Variants in TLN2 observed in about 807,000 individuals in gnomAD.
TLN2 encodes talin-2.
In TLN2, 118 loss-of-function variants were observed where a neutral mutation model predicts 294.7. The ratio of observed to expected loss-of-function variants is 0.40; its 90% CI spans 0.34 to 0.47. TLN2 has a LOEUF of 0.47. Among genes scored for constraint, TLN2 ranks in the 20% least tolerant of loss-of-function variants. The probability of loss-of-function intolerance (pLI) is 0.84; values close to 1 mark genes in which losing one functional copy is unlikely to be tolerated. For missense variants in TLN2, 3,083 were observed against 3,282.2 expected (o/e 0.94, Z 1.48); for synonymous variants, 1,431 against 1,304.5 (o/e 1.10, Z -2.09).
Position 62,652,146 on chromosome 15 carries a change from TA to T in TLN2, c.364+13del. On this transcript the variant is annotated intron_variant, in intron 6 of 58. Coordinates refer to ENST00000636159, the MANE Select transcript of TLN2 (RefSeq NM_015059.3). The stretch of plus-strand genomic sequence containing the variant: ...TTGTAGCAGAATAGGTGAGCATTCA[TA>T]CACCTTCATTATGTCTTTTTGCTTA... The T allele has an allele frequency of 6.5e-7, 1 of 1,535,320 alleles. No individual in the cohort carries two copies. The highest frequency in any genetic ancestry group is 8.8e-7 in the Non-Finnish European group (1 of 1,140,126).
At chr15:62,491,396 ATT>A (rs2038720508) in intron 1 of TLN2, among the ~76,000 whole-genome samples, 1 of 127,094 alleles carries the variant, frequency 7.9e-6, no homozygotes, top group African/African-American at 3.3e-5. Context: ...ACACACACAC[ATT>A]TATATAAGAT....
At chr15:62,395,881 A>G (rs997335215) in intron 1 of TLN2, among the ~76,000 whole-genome samples, 1 of 152,026 alleles carries the variant, frequency 6.6e-6, no homozygotes, top group African/African-American at 2.4e-5. Flanking sequence ...AGTCGCACAG[A>G]CTGGACTGCA....
intron 48 of TLN2, among the ~76,000 whole-genome samples, chr15:62,798,301 G>A (rs2065669810): frequency 6.6e-6 from 1 of 152,138 alleles, no homozygotes; most frequent in Admixed American, 6.5e-5. Context: ...TTCCGCTTCT[G>A]ATATTTGGCA....
chr15:62,756,762 G>C (rs1165214814), intron 37 of TLN2, among the ~76,000 whole-genome samples: 1 of 152,060 alleles, frequency 6.6e-6, no homozygotes, highest in African/African-American at 2.4e-5. Context: ...ATTGCATGCA[G>C]AAATCAGTCA....
chr15:62,732,499 A>C (rs1026265477), intron 28 of TLN2, among the ~76,000 whole-genome samples: 2 of 152,224 alleles, frequency 1.3e-5, no homozygotes, highest in African/African-American at 4.8e-5. Flanking sequence ...GTCAGATCCT[A>C]AAGGGCCTCA....
At chr15:62,810,649 T>G (rs754599993) in intron 52 of TLN2, among the ~76,000 whole-genome samples, 3 of 152,092 alleles carry the variant, frequency 2.0e-5, no homozygotes, top group African/African-American at 7.2e-5. Context: ...AGCCTCAGTT[T>G]GTGCAGTTCC....
intron 3 of TLN2, among the ~76,000 whole-genome samples, chr15:62,628,842 C>G (rs1421502190): frequency 1.3e-5 from 2 of 152,194 alleles, no homozygotes; most frequent in Non-Finnish European, 2.9e-5. Context: ...GGAGACTTAA[C>G]CTATTTGACA....
At chr15:62,405,778 C>T (rs2033359444) in intron 1 of TLN2, among the ~76,000 whole-genome samples, 1 of 152,158 alleles carries the variant, frequency 6.6e-6, no homozygotes, top group African/African-American at 2.4e-5. Flanking sequence ...AGGGTACAAG[C>T]TGGCTGCGCA....
chr15:62,739,313 A>G, intron 30 of TLN2, 35 bp from the exon 31 acceptor site: 1 of 1,588,008 alleles, frequency 6.3e-7, no homozygotes, highest in Non-Finnish European at 8.6e-7. Flanking sequence ...TGCAAAGCAG[A>G]ATGTCTCATG....
intron 3 of TLN2, among the ~76,000 whole-genome samples, chr15:62,623,504 G>C (rs774766051): frequency 5.3e-5 from 8 of 152,150 alleles, no homozygotes; most frequent in Non-Finnish European, 7.4e-5. Flanking sequence ...TCACTCTGTG[G>C]TTCTTATATG....
chr15:62,781,301 C>A, intron 44 of TLN2, 60 bp downstream of exon 44: 2 of 1,322,568 alleles, frequency 1.5e-6, no homozygotes, highest in Non-Finnish European at 1.1e-6. Context: ...ACTGCCGCCG[C>A]TGAGCCTGCA....
At chr15:62,640,615 G>A (rs890697752) in intron 3 of TLN2, among the ~76,000 whole-genome samples, 8 of 151,994 alleles carry the variant, frequency 5.3e-5, no homozygotes, top group Non-Finnish European at 1.2e-4. Flanking sequence ...TTTCCCTCTT[G>A]AATTCTTAGG....
At chr15:62,522,946 A>T (rs1441865794) in intron 1 of TLN2, among the ~76,000 whole-genome samples, 1 of 100,254 alleles carries the variant, frequency 1.0e-5, no homozygotes, top group African/African-American at 4.6e-5. Flanking sequence ...TGGCTTACAC[A>T]CACACACACA....
intron 1 of TLN2, among the ~76,000 whole-genome samples, chr15:62,437,631 C>T (rs750566173): frequency 3.3e-5 from 5 of 152,140 alleles, no homozygotes; most frequent in Non-Finnish European, 7.3e-5. Context: ...CATCTGGAGC[C>T]ATTCTCCTTA....
rs2058763675 is a variant in TLN2, at chr15:62,702,260, G to A, written c.1905+60G>A. On this transcript the variant is annotated intron_variant, in intron 18 of 58. Coordinates refer to ENST00000636159, the MANE Select transcript of TLN2 (RefSeq NM_015059.3). ...GATGGGACAGCTGCATCCACTGGGGGACCATGGGGCTCTTGCTTCCCGAGC... is the reference window on the plus strand; with the variant it reads ...GATGGGACAGCTGCATCCACTGGGGAACCATGGGGCTCTTGCTTCCCGAGC... 1.0e-5 allele frequency: 15 copies of A among 1,504,584 alleles called. No individual in the cohort carries two copies. The South Asian group carries it at 1.8e-4, about 18-fold the overall frequency. The allele number at this position is 1,504,584 out of a possible 1,614,324, so 93.2% of individuals were successfully genotyped here.
At chr15:62,463,314 C>T (rs530206131) in intron 1 of TLN2, among the ~76,000 whole-genome samples, 4 of 152,200 alleles carry the variant, frequency 2.6e-5, no homozygotes, top group African/African-American at 9.6e-5. Context: ...AACTGCAGTT[C>T]TGTGTTTTGG....
chr15:62,815,177 T>TCACACACACACACA (rs3055852), intron 52 of TLN2, among the ~76,000 whole-genome samples: 6 of 140,590 alleles, frequency 4.3e-5, no homozygotes, highest in Non-Finnish European at 6.1e-5. Flanking sequence ...ATTCTGTCTG[T>TCACACACACACACA]CACACACACA....
At chr15:62,428,931 G>C (rs993060059) in intron 1 of TLN2, among the ~76,000 whole-genome samples, 4 of 152,114 alleles carry the variant, frequency 2.6e-5, no homozygotes, top group African/African-American at 9.7e-5. Flanking sequence ...TGAATATCCA[G>C]ATTTCAGAAT....
At chr15:62,545,828 T>C (rs1014393241) in intron 1 of TLN2, among the ~76,000 whole-genome samples, 3 of 152,268 alleles carry the variant, frequency 2.0e-5, no homozygotes, top group African/African-American at 7.2e-5. Flanking sequence ...CAAATGGATA[T>C]CCGGAATATC....
Sources: allele counts gnomAD v4.1 joint callset (sites outside exome capture counted in the v4.1 genomes callset), GRCh38; gene constraint gnomAD v4.1.1; transcripts MANE v1.5; gene names NCBI Gene and HGNC (gene_info 2026-07-23, HGNC 2026-07-21).